Variants in KCNK13 observed in about 807,000 individuals in gnomAD.
The protein encoded by KCNK13 is potassium two pore domain channel subfamily K member 13.
A neutral mutation model predicts 23.4 loss-of-function variants in KCNK13; 12 were observed. That is an observed-to-expected ratio of 0.51 (90% CI 0.33 to 0.83). KCNK13 has a LOEUF of 0.83. Ranked by LOEUF, KCNK13 falls within the 40% of genes least tolerant of loss-of-function variation. The probability of loss-of-function intolerance (pLI) is 0.02; values close to 1 mark genes in which losing one functional copy is unlikely to be tolerated. For synonymous variants in KCNK13, 231 were observed against 229.5 expected (o/e 1.01, Z -0.06); for missense variants, 463 against 556.3 (o/e 0.83, Z 1.69).
At chr14:90,174,672 A>C (rs1596811182) in intron 1 of KCNK13, among the ~76,000 whole-genome samples, 2 of 152,110 alleles carry the variant, frequency 1.3e-5, no homozygotes, top group African/African-American at 4.8e-5. Context: ...TGGGCAACAT[A>C]GTGAGACTTC....
At chr14:90,078,438 A>G (rs796669631) in intron 1 of KCNK13, among the ~76,000 whole-genome samples, 51 of 151,820 alleles carry the variant, frequency 3.4e-4, no homozygotes, top group African/African-American at 1.2e-3. Flanking sequence ...AAAGAAAGAA[A>G]AAAAAGAAAG....
chr14:90,126,396 T>A (rs1308040931), intron 1 of KCNK13, among the ~76,000 whole-genome samples: 1 of 152,080 alleles, frequency 6.6e-6, no homozygotes, highest in Non-Finnish European at 1.5e-5. Context: ...TTTAGCCTCA[T>A]CGGTGATAAC....
intron 1 of KCNK13, among the ~76,000 whole-genome samples, chr14:90,178,231 C>CAAAAAAAA (rs34726346): frequency 8.1e-3 from 606 of 74,402 alleles, no homozygotes; most frequent in Non-Finnish European, 0.011. Context: ...TTCCTAAAAG[C>CAAAAAAAA]AAAAAAAAAA....
chr14:90,170,517 A>T (rs1171749235), intron 1 of KCNK13, among the ~76,000 whole-genome samples: 1 of 152,026 alleles, frequency 6.6e-6, no homozygotes, highest in Non-Finnish European at 1.5e-5. Context: ...CCTGGCCTCA[A>T]TCATTTTAAG....
chr14:90,105,526 C>A (rs928742470), intron 1 of KCNK13, among the ~76,000 whole-genome samples: 3 of 152,166 alleles, frequency 2.0e-5, no homozygotes, highest in Non-Finnish European at 1.5e-5. Context: ...TGTATGGAAA[C>A]TAAGTACCAC....
chr14:90,133,031 G>T (rs1387734697), intron 1 of KCNK13, among the ~76,000 whole-genome samples: 1 of 152,138 alleles, frequency 6.6e-6, no homozygotes, highest in African/African-American at 2.4e-5. Context: ...ACGTTTGGAC[G>T]ACAGGATCAT....
At chr14:90,146,133 G>T (rs1001700835) in intron 1 of KCNK13, among the ~76,000 whole-genome samples, 1 of 152,236 alleles carries the variant, frequency 6.6e-6, no homozygotes, top group East Asian at 1.9e-4. Flanking sequence ...CTTCAAGTAT[G>T]TTGAATCTCT....
Position 90,184,219 on chromosome 14 carries a change from G to A in KCNK13, c.443G>A (p.Arg148His), listed in dbSNP as rs200021633. ...TTGTTCTTCAACCTCTTCCTGGAGC[G>A]CCTGATCACCATCATCGCCTACATC... ...TILFFNLFLE[R>H]LITIIAYIMK... Residue 148 changes from arginine to histidine, a missense_variant, in exon 2 of 2, where the codon CGC becomes CAC. This residue lies in a region of KCNK13 where 144 missense variants were observed against 224.0 expected (regional missense o/e 0.64). Coordinates refer to ENST00000282146, the MANE Select transcript of KCNK13 (RefSeq NM_022054.4). This position sits in a 1 kb window ranked among gnomAD's most constrained non-coding sequence, Gnocchi z 5.6. 1.2e-5 allele frequency: 19 copies of A among 1,614,070 alleles called. No individual in the cohort carries two copies. The highest frequency in any genetic ancestry group is 1.6e-5 in the Non-Finnish European group (19 of 1,180,054).
At chr14:90,139,635 CAG>C (rs1889980064) in intron 1 of KCNK13, among the ~76,000 whole-genome samples, 1 of 152,152 alleles carries the variant, frequency 6.6e-6, no homozygotes, top group Non-Finnish European at 1.5e-5. Flanking sequence ...TGGGAGGAAA[CAG>C]TGTTGTACGT....
chr14:90,165,429 C>G (rs901450837), intron 1 of KCNK13, among the ~76,000 whole-genome samples: 2 of 152,190 alleles, frequency 1.3e-5, no homozygotes, highest in African/African-American at 4.8e-5. Context: ...AAAAGGCAGG[C>G]AGATTCAGGT....
rs547204188 is a variant in KCNK13 at position 90,095,544 on chromosome 14, T to C, written c.334+33005T>C. On this transcript the variant is annotated intron_variant, in intron 1 of 1. Transcript: ENST00000282146. The stretch of plus-strand genomic sequence containing the variant: ...TTTGGGTGAAGACCCCAGAAGGGCC[T>C]CTTTTTTCTTTTTCCCTACTAAGTT... Among the ~76,000 whole-genome samples, 5 of 152,292 alleles carry C rather than the reference T, an allele frequency of 3.3e-5. No homozygotes were observed. The East Asian group carries it at 7.7e-4, about 24-fold the overall frequency.
At chr14:90,174,606 G>C (rs1035618123) in intron 1 of KCNK13, among the ~76,000 whole-genome samples, 21 of 152,174 alleles carry the variant, frequency 1.4e-4, no homozygotes, top group African/African-American at 5.1e-4. Flanking sequence ...AATCCCAACA[G>C]TTTGGGATGC....
intron 1 of KCNK13, among the ~76,000 whole-genome samples, chr14:90,108,492 T>A (rs1889573171): frequency 6.6e-6 from 1 of 152,138 alleles, no homozygotes; most frequent in African/African-American, 2.4e-5. Context: ...AACGACTGCA[T>A]CTCTCCGGAG....
intron 1 of KCNK13, among the ~76,000 whole-genome samples, chr14:90,084,003 C>T (rs1056382457): frequency 5.3e-5 from 8 of 152,216 alleles, no homozygotes; most frequent in Admixed American, 1.3e-4. Flanking sequence ...AAATTGACAT[C>T]TGGACTCTCA....
At chr14:90,080,113 G>A (rs761741686) in intron 1 of KCNK13, among the ~76,000 whole-genome samples, 3 of 152,116 alleles carry the variant, frequency 2.0e-5, no homozygotes, top group Non-Finnish European at 4.4e-5. Flanking sequence ...AGTTTTGAAG[G>A]TATTGAATTT....
chr14:90,144,123 G>T (rs913824050), intron 1 of KCNK13, among the ~76,000 whole-genome samples: 12 of 152,072 alleles, frequency 7.9e-5, no homozygotes, highest in African/African-American at 2.9e-4. Context: ...GATTAGAATT[G>T]CATTGAATCA....
chr14:90,107,627 A>T, intron 1 of KCNK13: 1 of 593,454 alleles, frequency 1.7e-6, no homozygotes, highest in South Asian at 1.8e-5. Flanking sequence ...ATACTCATGC[A>T]ATACCTACAA....
chr14:90,180,422 C>T (rs2140448998), intron 1 of KCNK13, among the ~76,000 whole-genome samples: 1 of 152,280 alleles, frequency 6.6e-6, no homozygotes, highest in East Asian at 1.9e-4. Flanking sequence ...GCATTATTAG[C>T]TTACTTACAC....
intron 1 of KCNK13, among the ~76,000 whole-genome samples, chr14:90,096,051 G>C (rs1337551086): frequency 6.6e-6 from 1 of 152,232 alleles, no homozygotes; most frequent in African/African-American, 2.4e-5. Flanking sequence ...ATAGGAAGAG[G>C]TGTGGAGCTT....
Sources: gnomAD v4.1 joint callset for allele counts (sites outside exome capture counted in the v4.1 genomes callset) on GRCh38, gnomAD v4.1.1 for gene constraint, gnomAD v4.1.1 regional missense constraint, Gnocchi (gnomAD v3.1) non-coding constraint, MANE v1.5 for transcripts, NCBI Gene and HGNC (gene_info 2026-07-23, HGNC 2026-07-21) for gene names.